The following GABRB1 variants were observed in gnomAD, a reference collection of about 807,000 sequenced individuals.
GABRB1 encodes the protein gamma-aminobutyric acid type A receptor subunit beta1, also known as gamma-aminobutyric acid receptor subunit beta-1.
A neutral mutation model predicts 51.6 loss-of-function variants in GABRB1; 17 were observed. That is an observed-to-expected ratio of 0.33 (90% CI 0.23 to 0.49). The LOEUF (loss-of-function observed/expected upper bound fraction) is 0.49, where lower values mean the gene tolerates loss of function less well. Among genes scored for constraint, GABRB1 ranks in the 20% least tolerant of loss-of-function variants. The pLI is 0.99. For synonymous variants in GABRB1, 247 were observed against 218.9 expected, an observed-to-expected ratio of 1.13 and a Z score of -1.14; for missense variants, 410 against 600.6, an observed-to-expected ratio of 0.68 and a Z score of 3.32.
chr4:47,180,546 G>A (rs1718901002), intron 4 of GABRB1, among the ~76,000 whole-genome samples: 2 of 152,050 alleles, frequency 1.3e-5, no homozygotes, highest in Admixed American at 6.6e-5. Context: ...TTAGTTATTT[G>A]GATGCTTTTT....
chr4:47,103,472 T>G (rs1714810659), intron 3 of GABRB1, among the ~76,000 whole-genome samples: 1 of 152,020 alleles, frequency 6.6e-6, no homozygotes, highest in Non-Finnish European at 1.5e-5. Flanking sequence ...GTGAGTTTCA[T>G]ACTTAGAAAT....
rs1403108402 is a variant in GABRB1 at position 47,077,944 on chromosome 4, ATATAT to A, written c.240+45466_240+45470del. On this transcript the variant is annotated intron_variant, in intron 3 of 8. Transcript: ENST00000295454. ...ATTTTATATATATTATATATTTTAT[ATATAT>A]TATATATTTTATATATATATTTTAT... 1.9e-3 allele frequency among the ~76,000 whole-genome samples: 210 copies of A among 110,624 alleles called. 2 individuals are homozygous for A. The highest frequency in any genetic ancestry group is 6.8e-3 in the African/African-American group (194 of 28,498). The allele number at this position is 110,624 out of a possible 152,430, so 72.6% of individuals were successfully genotyped here.
intron 5 of GABRB1, among the ~76,000 whole-genome samples, chr4:47,368,359 G>A (rs1350554578): frequency 6.6e-6 from 1 of 152,052 alleles, no homozygotes; most frequent in Non-Finnish European, 1.5e-5. Flanking sequence ...TTTTTCAACT[G>A]CAGCAATCCC....
intron 4 of GABRB1, among the ~76,000 whole-genome samples, chr4:47,267,263 A>G (rs958117645): frequency 6.6e-6 from 1 of 152,162 alleles, no homozygotes; most frequent in Non-Finnish European, 1.5e-5. Flanking sequence ...CTTTATACAT[A>G]AAACACAAAT....
chr4:47,007,206 G>A (rs1724432591), intron 1 of GABRB1, among the ~76,000 whole-genome samples: 1 of 151,888 alleles, frequency 6.6e-6, no homozygotes, highest in Non-Finnish European at 1.5e-5. Flanking sequence ...AAAATTTTAA[G>A]GTGAAGTACA....
intron 4 of GABRB1, among the ~76,000 whole-genome samples, chr4:47,316,818 T>C (rs1438388903): frequency 6.6e-6 from 1 of 151,932 alleles, no homozygotes; most frequent in East Asian, 1.9e-4. Context: ...TAGAAGCAAG[T>C]ACTTCACTAT....
chr4:47,354,945 C>A (rs1168045479), intron 5 of GABRB1, among the ~76,000 whole-genome samples: 2 of 125,760 alleles, frequency 1.6e-5, no homozygotes, highest in Non-Finnish European at 3.3e-5. Flanking sequence ...GCCTGCCTTC[C>A]TTTCTCTCTC....
At chr4:47,069,910 C>T (rs772596401) in intron 3 of GABRB1, among the ~76,000 whole-genome samples, 1 of 152,158 alleles carries the variant, frequency 6.6e-6, no homozygotes, top group African/African-American at 2.4e-5. Flanking sequence ...CGGTACTCCA[C>T]CAGAACACCT....
intron 1 of GABRB1, among the ~76,000 whole-genome samples, chr4:47,018,797 T>C (rs756470066): frequency 1.3e-5 from 2 of 152,172 alleles, no homozygotes; most frequent in Non-Finnish European, 2.9e-5. Context: ...TGTCTTTACA[T>C]GTGAGTAGGC....
intron 5 of GABRB1, among the ~76,000 whole-genome samples, chr4:47,387,513 GA>G (rs1257904610): frequency 2.0e-5 from 3 of 152,098 alleles, no homozygotes; most frequent in Admixed American, 1.3e-4. Context: ...AAGTCAAATT[GA>G]ATTAGATAAA....
At chr4:47,109,072 A>G (rs1715108275) in intron 3 of GABRB1, among the ~76,000 whole-genome samples, 2 of 152,098 alleles carry the variant, frequency 1.3e-5, no homozygotes, top group Non-Finnish European at 2.9e-5. Flanking sequence ...AAAACACTCT[A>G]CAAGTCTGAT....
At chr4:47,080,924 T>C (rs897116696) in intron 3 of GABRB1, among the ~76,000 whole-genome samples, 2 of 152,186 alleles carry the variant, frequency 1.3e-5, no homozygotes, top group African/African-American at 4.8e-5. Flanking sequence ...AAAACTGGTC[T>C]AGCTATACTT....
chr4:47,336,383 T>A (rs1051346347), intron 5 of GABRB1, among the ~76,000 whole-genome samples: 2 of 152,222 alleles, frequency 1.3e-5, no homozygotes, highest in African/African-American at 2.4e-5. Context: ...GCAATGATTA[T>A]GTGCAAGCAC....
chr4:47,423,876 T>A (rs1729174286), intron 8 of GABRB1, among the ~76,000 whole-genome samples: 1 of 152,182 alleles, frequency 6.6e-6, no homozygotes, highest in African/African-American at 2.4e-5. Context: ...ATTAGTAAGA[T>A]TCAATTACTG....
upstream of GABRB1, among the ~76,000 whole-genome samples, chr4:47,028,123 T>C (rs1725160377): frequency 6.6e-6 from 1 of 151,888 alleles, no homozygotes; most frequent in South Asian, 2.1e-4. Flanking sequence ...CTACTGAGCT[T>C]GAAACTTTAC....
chr4:47,155,868 T>C (rs1717668949), intron 3 of GABRB1, among the ~76,000 whole-genome samples: 1 of 146,542 alleles, frequency 6.8e-6, no homozygotes, highest in South Asian at 2.2e-4. Context: ...TGATAAACAA[T>C]GGTAAAACAT....
chr4:47,272,963 G>A (rs540533790), intron 4 of GABRB1, among the ~76,000 whole-genome samples: 9 of 129,036 alleles, frequency 7.0e-5, no homozygotes, highest in African/African-American at 2.7e-4. Context: ...ACTAGATGAT[G>A]TGAACCGTTA....
At chr4:47,156,738 G>C (rs568113137) in intron 3 of GABRB1, among the ~76,000 whole-genome samples, 5 of 151,942 alleles carry the variant, frequency 3.3e-5, no homozygotes, top group East Asian at 1.9e-4. Flanking sequence ...GGGGACCGAG[G>C]GGGGGCAGAT....
chr4:47,032,058 G>A lies in GABRB1; in HGVS notation c.172+53G>A, dbSNP rs45460902. On this transcript the variant is annotated intron_variant, in intron 2 of 8. Transcript: ENST00000295454. Reference sequence around the variant, plus strand: ...AACCCATCCTTAGTTCTCCTTTTCTGTCAAAGATAAATGTCAAAAAAAAAA... The same window carrying A: ...AACCCATCCTTAGTTCTCCTTTTCTATCAAAGATAAATGTCAAAAAAAAAA... The A allele has an allele frequency of 0.52, 510,961 of 978,824 alleles. 130,465 individuals carry two copies. The highest frequency in any genetic ancestry group is 0.57 in the East Asian group (20,172 of 35,328). 60.6% of individuals were successfully genotyped at this position (978,824 alleles called of 1,614,324 possible).
Sources: gnomAD v4.1 joint callset for allele counts (sites outside exome capture counted in the v4.1 genomes callset) on GRCh38, gnomAD v4.1.1 for gene constraint, MANE v1.5 for transcripts, NCBI Gene and HGNC (gene_info 2026-07-23, HGNC 2026-07-21) for gene names.